Variants in DLG2 observed in about 807,000 individuals in gnomAD.
DLG2 encodes the protein disks large homolog 2.
In DLG2, 45 loss-of-function variants were observed where a neutral mutation model predicts 132.5. The observed-to-expected ratio is 0.34, with a 90% CI of 0.27 to 0.44. The LOEUF (loss-of-function observed/expected upper bound fraction) is 0.44, where lower values mean the gene tolerates loss of function less well. Among genes scored for constraint, DLG2 ranks in the 20% least tolerant of loss-of-function variants. The pLI, the probability that DLG2 is intolerant of heterozygous loss-of-function variation, is 1.00. For synonymous variants in DLG2, 424 were observed against 419.6 expected (o/e 1.01, Z -0.13); for missense variants, 1,045 against 1,196.9 (o/e 0.87, Z 1.87).
At chr11:84,465,827 C>T (rs2099092845) in intron 7 of DLG2, among the ~76,000 whole-genome samples, 2 of 151,114 alleles carry the variant, frequency 1.3e-5, no homozygotes, top group Non-Finnish European at 3.0e-5. Context: ...ATACTTAAAT[C>T]CTACCAAGAC....
At chr11:85,119,740 C>T (rs1054055753) in intron 5 of DLG2, among the ~76,000 whole-genome samples, 6 of 151,498 alleles carry the variant, frequency 4.0e-5, no homozygotes, top group Non-Finnish European at 8.8e-5. Flanking sequence ...ATTTCAGGAC[C>T]CCAAAATAAA....
chr11:83,921,965 G>C (rs987878826), intron 15 of DLG2, among the ~76,000 whole-genome samples: 1 of 152,078 alleles, frequency 6.6e-6, no homozygotes, highest in Admixed American at 6.6e-5. Context: ...TCCCAACTCT[G>C]TTATCTCAAG....
chr11:84,329,898 A>G (rs1188428460), intron 7 of DLG2, among the ~76,000 whole-genome samples: 1 of 152,132 alleles, frequency 6.6e-6, no homozygotes, highest in Non-Finnish European at 1.5e-5. Context: ...TATGAACTTC[A>G]GAGTAAAACT....
intron 18 of DLG2, among the ~76,000 whole-genome samples, chr11:83,644,575 G>A (rs941049033): frequency 1.3e-4 from 20 of 151,942 alleles, no homozygotes; most frequent in African/African-American, 1.7e-4. Context: ...TTAATATTGC[G>A]AGTATTTTGT....
chr11:85,522,019 G>A (rs1460997441), intron 3 of DLG2, among the ~76,000 whole-genome samples: 1 of 152,174 alleles, frequency 6.6e-6, no homozygotes, highest in Non-Finnish European at 1.5e-5. Context: ...CAGTTACTAA[G>A]ACAATGGGGA....
chr11:84,238,079 G>GAAAA (rs946860158), intron 8 of DLG2, among the ~76,000 whole-genome samples: 7 of 141,474 alleles, frequency 4.9e-5, no homozygotes, highest in Non-Finnish European at 9.3e-5. Context: ...GAAAAGAAAA[G>GAAAA]AAAAAGAAAG....
In DLG2 at chr11:84,516,340, T is replaced by C. The variant is rs549109456; in HGVS notation, c.519+18230A>G. 4.0e-5 allele frequency among the ~76,000 whole-genome samples: 6 copies of C among 151,418 alleles called. 1 individual carries two copies. The highest frequency in any genetic ancestry group is 4.1e-4 in the South Asian group (2 of 4,822). On this transcript the variant is annotated intron_variant, in intron 7 of 27. Transcript: ENST00000376104. ...TTGACAAACTTTTAGCTAGACTAAG[T>C]ATAATAAAAACACAGAAGACTCAGA... is the stretch of plus-strand genomic sequence containing the variant.
At chr11:84,446,757 T>C (rs962293394) in intron 7 of DLG2, among the ~76,000 whole-genome samples, 1 of 152,126 alleles carries the variant, frequency 6.6e-6, no homozygotes, top group Non-Finnish European at 1.5e-5. Context: ...TATGCAACAG[T>C]CTCAGTTTCA....
chr11:84,757,452 A>C (rs2067033635), intron 6 of DLG2, among the ~76,000 whole-genome samples: 1 of 152,178 alleles, frequency 6.6e-6, no homozygotes, highest in Non-Finnish European at 1.5e-5. Flanking sequence ...TATCACAAAA[A>C]GTTTGAGGAG....
At chr11:83,723,494 C>A (rs576111608) in intron 18 of DLG2, among the ~76,000 whole-genome samples, 1 of 152,304 alleles carries the variant, frequency 6.6e-6, no homozygotes, top group South Asian at 2.1e-4. Context: ...ATCATAATAA[C>A]AACAGCTGAC....
chr11:84,701,414 A>T (rs780230464), intron 6 of DLG2, among the ~76,000 whole-genome samples: 6 of 151,530 alleles, frequency 4.0e-5, no homozygotes, highest in Non-Finnish European at 8.9e-5. Context: ...GTTATCCTTT[A>T]CTTCTAGGAA....
intron 21 of DLG2, among the ~76,000 whole-genome samples, chr11:83,510,617 G>A (rs1472733743): frequency 2.0e-5 from 3 of 152,080 alleles, no homozygotes; most frequent in South Asian, 2.1e-4. Context: ...GAGAGTGGAA[G>A]GGTGGGATGA....
chr11:83,849,738 A>G (rs1416452056), intron 16 of DLG2, among the ~76,000 whole-genome samples: 1 of 136,576 alleles, frequency 7.3e-6, no homozygotes, highest in Non-Finnish European at 1.6e-5. Flanking sequence ...AAGTTTTACA[A>G]TCTGGAGCTC....
chr11:84,712,540 T>C (rs1382342805), intron 6 of DLG2, among the ~76,000 whole-genome samples: 10 of 152,066 alleles, frequency 6.6e-5, no homozygotes, highest in Non-Finnish European at 1.2e-4. Flanking sequence ...CAACAACGTG[T>C]TGGTAGGTTA....
chr11:85,143,900 G>T (rs186617196), intron 5 of DLG2, among the ~76,000 whole-genome samples: 1 of 151,818 alleles, frequency 6.6e-6, no homozygotes, highest in Non-Finnish European at 1.5e-5. Context: ...TGTGCATTCT[G>T]CAGCTTTTGG....
intron 14 of DLG2, among the ~76,000 whole-genome samples, chr11:83,953,629 T>C (rs535672377): frequency 6.6e-6 from 1 of 152,186 alleles, no homozygotes; most frequent in Non-Finnish European, 1.5e-5. Context: ...TCATGGACAA[T>C]TGCTAAAGTA....
intron 6 of DLG2, among the ~76,000 whole-genome samples, chr11:84,937,056 G>A (rs1343652035): frequency 6.6e-6 from 1 of 152,146 alleles, no homozygotes. Flanking sequence ...GGAGGCTAAG[G>A]CAGGAGAACT....
chr11:84,727,127 T>C (rs925427131), intron 6 of DLG2, among the ~76,000 whole-genome samples: 1 of 152,208 alleles, frequency 6.6e-6, no homozygotes, highest in Non-Finnish European at 1.5e-5. Context: ...AATTTTGGCT[T>C]TTGTTGCCAT....
At position 85,616,835 on chromosome 11, in the gene DLG2, AAACAGAAAC is replaced by A. The variant is rs1236847898; in HGVS notation, c.-93+9743_-93+9751del. ...GAATGGCATTGTAACGCATCTAGGCAAACAGAAACACAGACATTCTAGAAAAAGGTAAAA... is the reference window on the plus strand; with the variant it reads ...GAATGGCATTGTAACGCATCTAGGCAACAGACATTCTAGAAAAAGGTAAAA... On this transcript the variant is annotated intron_variant, in intron 2 of 27. Transcript: ENST00000376104. Among the ~76,000 whole-genome samples, 3 of 152,334 alleles carry A rather than the reference AAACAGAAAC, an allele frequency of 2.0e-5. No homozygotes were observed. In the East Asian group the frequency reaches 5.8e-4, roughly 29 times the overall value.
Sources: allele counts gnomAD v4.1 joint callset (sites outside exome capture counted in the v4.1 genomes callset), GRCh38; gene constraint gnomAD v4.1.1; transcripts MANE v1.5; gene names NCBI Gene and HGNC (gene_info 2026-07-23, HGNC 2026-07-21).